Variants in DOCK2 observed in about 807,000 individuals in gnomAD.
The protein encoded by DOCK2 is dedicator of cytokinesis protein 2.
In DOCK2, 87 loss-of-function variants were observed where a neutral mutation model predicts 248.9. The observed-to-expected ratio is 0.35, with a 90% confidence interval of 0.29 to 0.42. The LOEUF (loss-of-function observed/expected upper bound fraction) is 0.42, where lower values mean the gene tolerates loss of function less well. DOCK2 is among the 10% of genes least tolerant of loss of function. The probability of loss-of-function intolerance (pLI) is 1.00; values close to 1 mark genes in which losing one functional copy is unlikely to be tolerated. For missense variants in DOCK2, 1,747 were observed against 2,300.2 expected, an observed-to-expected ratio of 0.76 and a Z score of 4.92; for synonymous variants, 805 against 821.6, an observed-to-expected ratio of 0.98 and a Z score of 0.35.
intron 33 of DOCK2, among the ~76,000 whole-genome samples, chr5:170,024,922 AT>A (rs1447774682): frequency 6.6e-6 from 1 of 152,098 alleles, no homozygotes; most frequent in Non-Finnish European, 1.5e-5. Context: ...CTCTTTTGTG[AT>A]CCTGAGACAA....
intron 27 of DOCK2, among the ~76,000 whole-genome samples, chr5:169,905,079 G>T (rs987975513): frequency 2.0e-5 from 3 of 152,208 alleles, no homozygotes; most frequent in Non-Finnish European, 2.9e-5. Flanking sequence ...GGGAGGCCGT[G>T]CAGAGTGCTC....
At chr5:170,031,126 A>G (rs1467629085) in intron 34 of DOCK2, among the ~76,000 whole-genome samples, 1 of 152,248 alleles carries the variant, frequency 6.6e-6, no homozygotes, top group Non-Finnish European at 1.5e-5. Flanking sequence ...ATGGATTCAT[A>G]AGACACACCG....
intron 22 of DOCK2, among the ~76,000 whole-genome samples, chr5:169,740,003 C>T (rs1284685761): frequency 6.6e-6 from 1 of 152,104 alleles, no homozygotes; most frequent in African/African-American, 2.4e-5. Flanking sequence ...GGGGAAAAAC[C>T]CTAAATACCA....
At chr5:169,988,501 A>G (rs1581508098) in intron 29 of DOCK2, among the ~76,000 whole-genome samples, 1 of 152,014 alleles carries the variant, frequency 6.6e-6, no homozygotes, top group East Asian at 1.9e-4. Context: ...TATTATTATT[A>G]TTATTGTTTT....
At chr5:169,915,349 A>T (rs1227757938) in intron 27 of DOCK2, among the ~76,000 whole-genome samples, 1 of 152,178 alleles carries the variant, frequency 6.6e-6, no homozygotes, top group Non-Finnish European at 1.5e-5. Flanking sequence ...ACCAGTAAGC[A>T]CTAATATTAA....
chr5:169,889,286 T>A (rs1158693225), intron 27 of DOCK2, among the ~76,000 whole-genome samples: 1 of 152,236 alleles, frequency 6.6e-6, no homozygotes, highest in Admixed American at 6.5e-5. Flanking sequence ...TCAGTAGGTC[T>A]CATGTCTGTT....
intron 27 of DOCK2, among the ~76,000 whole-genome samples, chr5:169,971,387 G>A (rs2113764322): frequency 6.6e-6 from 1 of 151,402 alleles, no homozygotes; most frequent in African/African-American, 2.4e-5. Flanking sequence ...TGAGCCCTAG[G>A]AATGGACTTC....
Position 169,828,144 on chromosome 5 carries a change from A to C in DOCK2, c.2704-12613A>C, listed in dbSNP as rs139785202. Among the ~76,000 whole-genome samples, 243 of 152,306 alleles carry C rather than the reference A, an allele frequency of 1.6e-3. 1 individual carries two copies. Among genetic ancestry groups the C allele is most frequent in the African/African-American group, 5.7e-3 (237 of 41,572 alleles). On this transcript the variant is annotated intron_variant, in intron 26 of 51. Transcript: ENST00000520908. ...GCAATCCTGATGTCTGTGTAACTGCATGCGTAGATCAGAGGATACAAATTC... is the reference window on the plus strand; with the variant it reads ...GCAATCCTGATGTCTGTGTAACTGCCTGCGTAGATCAGAGGATACAAATTC...
chr5:170,050,259 A>C lies in DOCK2; in HGVS notation c.4075A>C (p.Lys1359Gln). ...GQGFPSFLRN[K>Q]VFIYRGKEYE... is the part of the protein sequence containing the mutation. ...AATGAGCATCCTTTCTCTGCAGAACAAAGTGTTCATCTACCGCGGGAAGGA... is the reference window on the plus strand; with the variant it reads ...AATGAGCATCCTTTCTCTGCAGAACCAAGTGTTCATCTACCGCGGGAAGGA... The change falls in exon 41 of 52, where the codon AAA (lysine) becomes CAA (glutamine). Residue 1359 changes from lysine to glutamine, a missense_variant. By Grantham distance (53) the Lys-to-Gln change is moderately conservative. Transcript: ENST00000520908. The C allele has an allele frequency of 6.2e-7, 1 of 1,613,964 alleles. No homozygotes were observed. The highest frequency in any genetic ancestry group is 8.5e-7 in the Non-Finnish European group (1 of 1,179,876).
chr5:170,008,222 CAACAAAAA>C (rs1275746755), intron 30 of DOCK2, among the ~76,000 whole-genome samples: 12 of 49,160 alleles, frequency 2.4e-4, no homozygotes, highest in African/African-American at 8.5e-4. Context: ...ACAACAACAA[CAACAAAAA>C]AAAAAAAACC....
intron 27 of DOCK2, chr5:169,841,473 G>A: frequency 1.0e-6 from 1 of 985,072 alleles, no homozygotes; most frequent in Non-Finnish European, 1.2e-6. Flanking sequence ...ATGCTTTCAG[G>A]GGCCAGTCAC....
At chr5:169,741,916 C>T (rs193006033) in intron 22 of DOCK2, among the ~76,000 whole-genome samples, 43 of 151,008 alleles carry the variant, frequency 2.8e-4, no homozygotes, top group African/African-American at 7.3e-4. Flanking sequence ...TTCACGCCAT[C>T]CTCCTGCCTC....
intron 44 of DOCK2, among the ~76,000 whole-genome samples, chr5:170,061,768 G>A (rs951606974): frequency 6.6e-6 from 1 of 152,314 alleles, no homozygotes; most frequent in Non-Finnish European, 1.5e-5. Context: ...TTAATGACTT[G>A]TCTTAAAGCC....
intron 22 of DOCK2, among the ~76,000 whole-genome samples, chr5:169,734,936 CG>C (rs1330123020): frequency 1.3e-5 from 2 of 152,164 alleles, no homozygotes; most frequent in Non-Finnish European, 2.9e-5. Context: ...ATTGCTCTGA[CG>C]TACCCAGAGA....
chr5:169,755,941 C>G (rs954102375), intron 23 of DOCK2, among the ~76,000 whole-genome samples: 3 of 152,152 alleles, frequency 2.0e-5, no homozygotes, highest in Non-Finnish European at 4.4e-5. Context: ...AGACCATAGA[C>G]AGAAGTCCTC....
In DOCK2 at chr5:170,080,151, G is replaced by A. The variant is rs182204748; in HGVS notation, c.5167-12G>A. ...TTGTGTGTGTGTGTGTGTGTCTGGT[G>A]TATTCCTCCAGCTTTCCAGGAAGCA... On this transcript the variant is annotated splice_polypyrimidine_tract_variant and intron_variant, in intron 49 of 51. Coordinates refer to ENST00000520908, the MANE Select transcript of DOCK2 (RefSeq NM_004946.3). The A allele has an allele frequency of 2.7e-4, 442 of 1,613,932 alleles. 1 individual carries two copies. Among genetic ancestry groups the A allele is most frequent in the Non-Finnish European group, 3.2e-4 (382 of 1,179,948 alleles).
At chr5:169,853,021 C>A (rs1210829349) in intron 27 of DOCK2, among the ~76,000 whole-genome samples, 1 of 152,084 alleles carries the variant, frequency 6.6e-6, no homozygotes, top group South Asian at 2.1e-4. Flanking sequence ...TGGGAGGGAC[C>A]TGGTAGGAGG....
chr5:169,677,920 G>C (rs1409397836), intron 6 of DOCK2, among the ~76,000 whole-genome samples: 4 of 152,194 alleles, frequency 2.6e-5, no homozygotes, highest in African/African-American at 9.7e-5. Flanking sequence ...TGTGTAGGGT[G>C]CAGGGGCTGT....
chr5:169,821,687 C>T lies in DOCK2; in HGVS notation c.2703+18481C>T, dbSNP rs142798946. The stretch of plus-strand genomic sequence containing the variant: ...AAACATGTCAAATTGTAAAGCCCAT[C>T]GATGCTAGGAAGAAACTGTGTCAAC... On this transcript the variant is annotated intron_variant, in intron 26 of 51. Coordinates refer to ENST00000520908, the MANE Select transcript of DOCK2 (RefSeq NM_004946.3). Among the ~76,000 whole-genome samples the T allele has an allele frequency of 4.2e-3, 643 of 152,266 alleles. 6 individuals are homozygous for T. The highest frequency in any genetic ancestry group is 0.014 in the African/African-American group (574 of 41,532).
Sources: allele counts gnomAD v4.1 joint callset (sites outside exome capture counted in the v4.1 genomes callset), GRCh38; gene constraint gnomAD v4.1.1; transcripts MANE v1.5; gene names NCBI Gene and HGNC (gene_info 2026-07-23, HGNC 2026-07-21).